Variants in MBOAT4 observed in about 807,000 individuals in gnomAD.
MBOAT4 encodes membrane bound ghrelin O-acyltransferase MBOAT4.
In MBOAT4, 11 loss-of-function variants were observed where a neutral mutation model predicts 13.2. The observed-to-expected ratio is 0.84, with a 90% confidence interval of 0.53 to 1.38. The LOEUF (loss-of-function observed/expected upper bound fraction) is 1.38, where lower values mean the gene tolerates loss of function less well. Among genes scored for constraint, MBOAT4 ranks in the 40% most tolerant of loss-of-function variants. The probability of loss-of-function intolerance (pLI) is 0.00; values close to 1 mark genes in which losing one functional copy is unlikely to be tolerated. For missense variants in MBOAT4, 481 were observed against 527.2 expected, an observed-to-expected ratio of 0.91 and a Z score of 0.86; for synonymous variants, 202 against 210.3, an observed-to-expected ratio of 0.96 and a Z score of 0.34.
intron 1 of MBOAT4, among the ~76,000 whole-genome samples, chr8:30,143,242 G>A (rs1803291317): frequency 6.6e-6 from 1 of 152,030 alleles, no homozygotes; most frequent in Admixed American, 6.6e-5. Context: ...CAGGTACTGG[G>A]GAGGCTGAGG....
chr8:30,132,460 G>T lies in MBOAT4; in HGVS notation c.791C>A (p.Ser264Tyr), dbSNP rs1803044033. ...CCCAAAGCCCGCTGCGTGGAGGAGG[G>T]AGTCGTCCAGGATCCAGTGGGAGTA... ...TYYSHWILDD[S>Y]LLHAAGFGPE... Residue 264 changes from serine to tyrosine, a missense_variant, in exon 3 of 3, where the codon TCC becomes TAC. Coordinates refer to ENST00000320542, the MANE Select transcript of MBOAT4 (RefSeq NM_001100916.2). 1 of 1,551,596 alleles carries T rather than the reference G, an allele frequency of 6.4e-7. No homozygotes were observed. Among genetic ancestry groups the T allele is most frequent in the East Asian group, 2.4e-5 (1 of 40,926 alleles).
chr8:30,141,803 C>T (rs761287403), intron 1 of MBOAT4, among the ~76,000 whole-genome samples: 9 of 152,294 alleles, frequency 5.9e-5, no homozygotes, highest in South Asian at 4.1e-4. Flanking sequence ...GTCACGGCTC[C>T]GGGCACAGTG....
At chr8:30,143,334 C>A (rs13252667) in intron 1 of MBOAT4, among the ~76,000 whole-genome samples, 132,873 of 147,184 alleles carry the variant, frequency 0.9, 60,021 homozygotes, top group Non-Finnish European at 0.96. Context: ...GGCGACAGAG[C>A]GAGACTCCGT....
In MBOAT4 at chr8:30,132,757, T is replaced by C; in HGVS notation, c.494A>G (p.Tyr165Cys). Reference sequence around the variant, plus strand: ...AGGGAAAAAGAGCAAGTAGCTGAAATAGGGCAGTGCCTTACACACATGCTC... The same window carrying C: ...AGGGAAAAAGAGCAAGTAGCTGAAACAGGGCAGTGCCTTACACACATGCTC... ...LSEHVCKALP[Y>C]FSYLLFFPAL... The change falls in exon 3 of 3, where the codon TAT (tyrosine) becomes TGT (cysteine). Residue 165 changes from tyrosine to cysteine, a missense_variant. Physicochemically the swap from Tyr to Cys is radical, Grantham distance 194 (BLOSUM62 -2). Coordinates refer to ENST00000320542, the MANE Select transcript of MBOAT4 (RefSeq NM_001100916.2). 1 of 1,551,698 alleles carries C rather than the reference T, an allele frequency of 6.4e-7. No individual in the cohort carries two copies. Among genetic ancestry groups the C allele is most frequent in the African/African-American group, 1.4e-5 (1 of 73,144 alleles).
rs147788434 is a variant in MBOAT4 at position 30,143,583 on chromosome 8, GT to G, written c.119+899del. ...AAAAAATAGGTGCTGTCTCTAATGT[GT>G]TGAGGTTATTTGATATTTAAAAAAT... On this transcript the variant is annotated intron_variant, in intron 1 of 2. Transcript: ENST00000320542. Among the ~76,000 whole-genome samples, 503 of 152,116 alleles carry G rather than the reference GT, an allele frequency of 3.3e-3. 4 individuals carry two copies. The highest frequency in any genetic ancestry group is 0.012 in the African/African-American group (489 of 41,446).
chr8:30,137,860 G>C (rs1803181791), intron 2 of MBOAT4: 1 of 267,502 alleles, frequency 3.7e-6, no homozygotes. Context: ...CATGCAGCTG[G>C]AGATGACAAG....
chr8:30,136,952 T>A (rs970201962), intron 2 of MBOAT4, among the ~76,000 whole-genome samples: 1 of 151,924 alleles, frequency 6.6e-6, no homozygotes, highest in Non-Finnish European at 1.5e-5. Context: ...CCTCCCAAAG[T>A]GTTGGGATTA....
intron 1 of MBOAT4, among the ~76,000 whole-genome samples, chr8:30,140,951 C>T (rs1053229077): frequency 1.3e-5 from 2 of 152,108 alleles, no homozygotes; most frequent in Non-Finnish European, 2.9e-5. Flanking sequence ...AATCCTCCCA[C>T]CTCAGCCTCC....
chr8:30,134,721 T>C (rs1033946560), intron 2 of MBOAT4, among the ~76,000 whole-genome samples: 2 of 152,060 alleles, frequency 1.3e-5, no homozygotes, highest in African/African-American at 4.8e-5. Context: ...CTAATTTTTG[T>C]ATTTTTAGTA....
At chr8:30,133,711 C>T (rs749464596) in intron 2 of MBOAT4, among the ~76,000 whole-genome samples, 33 of 151,418 alleles carry the variant, frequency 2.2e-4, no homozygotes, top group South Asian at 1.9e-3. Context: ...AACCCTTGAG[C>T]CCAGGAGTTC....
rs1803020198 is a variant in MBOAT4 at position 30,131,787 on chromosome 8, T to C, written c.*156A>G. ...CAGCAGAATAGCTTGCTAAAGTAGA[T>C]ACACAAATTCCTACTGCAAGTCACT... On this transcript the variant is annotated 3_prime_UTR_variant, in exon 3 of 3. Transcript: ENST00000320542. The C allele has an allele frequency of 2.4e-6, 2 of 820,624 alleles. No homozygotes were observed. The highest frequency in any genetic ancestry group is 3.7e-6 in the Non-Finnish European group (2 of 545,014). 50.8% of individuals were successfully genotyped at this position (820,624 alleles called of 1,614,324 possible). A position where few individuals can be genotyped will look rare whatever the true frequency, so the allele number is the denominator to read the frequency against.
Position 30,140,194 on chromosome 8 carries a change from G to C in MBOAT4, c.120-1438C>G, listed in dbSNP as rs144144432. Among the ~76,000 whole-genome samples, 1,343 of 152,206 alleles carry C rather than the reference G, an allele frequency of 8.8e-3. 26 individuals are homozygous for C. The highest frequency in any genetic ancestry group is 0.031 in the African/African-American group (1,277 of 41,540). On this transcript the variant is annotated intron_variant, in intron 1 of 2. Coordinates refer to ENST00000320542, the MANE Select transcript of MBOAT4 (RefSeq NM_001100916.2). ...TGGGATTACAGGCACCTGCCACCAT[G>C]CCTGGCTAATTTTTGTATTTTTAGT...
intron 1 of MBOAT4, among the ~76,000 whole-genome samples, chr8:30,144,200 T>C (rs1803310948): frequency 6.6e-6 from 1 of 151,898 alleles, no homozygotes; most frequent in African/African-American, 2.4e-5. Flanking sequence ...AATGGCGCCA[T>C]CTCGGCTCAC....
chr8:30,140,977 A>G (rs1042228855), intron 1 of MBOAT4, among the ~76,000 whole-genome samples: 7 of 152,056 alleles, frequency 4.6e-5, no homozygotes, highest in Non-Finnish European at 1.0e-4. Context: ...AACTGGGACT[A>G]TCGACACGCA....
In MBOAT4 at chr8:30,144,635, G is replaced by A. The variant is rs1803319650; in HGVS notation, c.-34C>T. 1 of 1,407,566 alleles carries A rather than the reference G, an allele frequency of 7.1e-7. No homozygotes were observed. The highest frequency in any genetic ancestry group is 9.8e-7 in the Non-Finnish European group (1 of 1,022,316). The allele number at this position is 1,407,566 out of a possible 1,614,324, so 87.2% of individuals were successfully genotyped here. A position where few individuals can be genotyped will look rare whatever the true frequency, so the allele number is the denominator to read the frequency against. On this transcript the variant is annotated 5_prime_UTR_variant, in exon 1 of 3. Coordinates refer to ENST00000320542, the MANE Select transcript of MBOAT4 (RefSeq NM_001100916.2). Reference sequence around the variant, plus strand: ...AGAACAAAAGAGCCTGTCTTTTCCAGTGTCCTTAACTGATGCCTTCCTCCA... The same window carrying A: ...AGAACAAAAGAGCCTGTCTTTTCCAATGTCCTTAACTGATGCCTTCCTCCA...
At position 30,132,450 on chromosome 8, in the gene MBOAT4, G is replaced by T. The variant is rs138038257; in HGVS notation, c.801C>A (p.His267Gln). ...SHWILDDSLL[H>Q]AAGFGPELGQ... ...CAAGCTCAGGCCCAAAGCCCGCTGC[G>T]TGGAGGAGGGAGTCGTCCAGGATCC... The change falls in exon 3 of 3, where the codon CAC becomes CAA. Residue 267 changes from histidine (H) to glutamine (Q), a missense_variant. His to Gln is a conservative substitution (Grantham distance 24). Coordinates refer to ENST00000320542, the MANE Select transcript of MBOAT4 (RefSeq NM_001100916.2). 52 of 1,551,740 alleles carry T rather than the reference G, an allele frequency of 3.4e-5. No homozygotes were observed. In the South Asian group the frequency reaches 6.1e-4, roughly 18 times the overall value.
Position 30,132,417 on chromosome 8 carries a change from G to T in MBOAT4, c.834C>A (p.Ser278Arg), listed in dbSNP as rs540570721. 34 of 1,551,746 alleles carry T rather than the reference G, an allele frequency of 2.2e-5. No homozygotes were observed. The South Asian group carries it at 4.0e-4, about 18-fold the overall frequency. Residue 278 changes from serine (S) to arginine (R), a missense_variant, in exon 3 of 3, where the codon AGC becomes AGA. By Grantham distance (110) the Ser-to-Arg change is moderately radical. Coordinates refer to ENST00000320542, the MANE Select transcript of MBOAT4 (RefSeq NM_001100916.2). ...CGGGGACATATCCCTCCTCTCCAGG[G>T]CTCTGACCAAGCTCAGGCCCAAAGC... is the stretch of plus-strand genomic sequence containing the variant. Reference protein sequence around the residue: ...AAGFGPELGQSPGEEGYVPDA... With the variant: ...AAGFGPELGQRPGEEGYVPDA...
intron 1 of MBOAT4, among the ~76,000 whole-genome samples, chr8:30,142,430 A>C (rs1270784331): frequency 6.6e-6 from 1 of 152,108 alleles, no homozygotes; most frequent in African/African-American, 2.4e-5. Flanking sequence ...ATCACGACTT[A>C]CTACAACCTC....
chr8:30,139,946 G>A (rs867260782), intron 1 of MBOAT4, among the ~76,000 whole-genome samples: 12 of 152,224 alleles, frequency 7.9e-5, no homozygotes, highest in Admixed American at 2.6e-4. Context: ...GGGTAACAGT[G>A]CAAAATCTTG....
Sources: gnomAD v4.1 joint callset for allele counts (sites outside exome capture counted in the v4.1 genomes callset) on GRCh38, gnomAD v4.1.1 for gene constraint, MANE v1.5 for transcripts, NCBI Gene and HGNC (gene_info 2026-07-23, HGNC 2026-07-21) for gene names.